The following LAMB1 variants were observed in gnomAD, a reference collection of about 807,000 sequenced individuals.
The protein encoded by LAMB1 is laminin subunit beta-1.
A neutral mutation model predicts 222.3 loss-of-function variants in LAMB1; 121 were observed. That is an observed-to-expected ratio of 0.54 (90% CI 0.47 to 0.63). LAMB1 has a LOEUF of 0.63. Ranked by LOEUF, LAMB1 falls within the 30% of genes least tolerant of loss-of-function variation. The pLI, the probability that LAMB1 is intolerant of heterozygous loss-of-function variation, is 0.00. For missense variants in LAMB1, 2,172 were observed against 2,240.8 expected (o/e 0.97, Z 0.62); for synonymous variants, 794 against 807.2 (o/e 0.98, Z 0.28).
At chr7:108,002,327 G>A (rs1256400937) in intron 2 of LAMB1, 1 of 1,315,032 alleles carries the variant, frequency 7.6e-7, no homozygotes, top group Non-Finnish European at 1.0e-6. Context: ...CAGTCCCTGG[G>A]GCTCTGGAGT....
At chr7:107,951,470 T>C in intron 23 of LAMB1, 148 bp from the exon 24 acceptor site, 1 of 654,074 alleles carries the variant, frequency 1.5e-6, no homozygotes, top group Non-Finnish European at 2.6e-6. Flanking sequence ...CCCACTTCAA[T>C]CGTAGGTGTC....
In LAMB1 at chr7:107,940,048, C is replaced by T. The variant is rs755708573; in HGVS notation, c.3702G>A (p.Leu1234=). The T allele has an allele frequency of 6.2e-7, 1 of 1,614,170 alleles. No individual in the cohort carries two copies. Among genetic ancestry groups the T allele is most frequent in the Non-Finnish European group, 8.5e-7 (1 of 1,180,034 alleles). Reference sequence around the variant, plus strand: ...GTGGCTCTGCTGCGGGGCTCTGCGCCAGGATGTCTTTTATCTCGCTGACTT... The same window carrying T: ...GTGGCTCTGCTGCGGGGCTCTGCGCTAGGATGTCTTTTATCTCGCTGACTT... ...ERKVSEIKDI[L]AQSPAAEPLK... The change falls in exon 25 of 34, where the codon CTG becomes CTA. Residue 1234 remains leucine, a synonymous_variant. Transcript: ENST00000222399.
Position 107,940,046 on chromosome 7 carries a change from G to A in LAMB1, c.3704C>T (p.Ala1235Val), listed in dbSNP as rs747848591. The change falls in exon 25 of 34, where the codon GCG (alanine) becomes GTG (valine). Residue 1235 changes from alanine (A) to valine (V), a missense_variant. Transcript: ENST00000222399. ...RKVSEIKDILAQSPAAEPLKN... is the reference protein window; with the variant it reads ...RKVSEIKDILVQSPAAEPLKN... ...CAGTGGCTCTGCTGCGGGGCTCTGC[G>A]CCAGGATGTCTTTTATCTCGCTGAC... 14 of 1,613,880 alleles carry A rather than the reference G, an allele frequency of 8.7e-6. No individual in the cohort carries two copies. The highest frequency in any genetic ancestry group is 2.7e-5 in the African/African-American group (2 of 74,874).
intron 13 of LAMB1, among the ~76,000 whole-genome samples, chr7:107,970,488 CAAA>C (rs78303178): frequency 2.3e-5 from 1 of 43,122 alleles, no homozygotes; most frequent in African/African-American, 6.7e-5. Flanking sequence ...AACTCTGTCT[CAAA>C]AAAAAAAAAA....
intron 24 of LAMB1, 107 bp from the exon 25 acceptor site, chr7:107,940,465 C>A: frequency 8.3e-7 from 1 of 1,209,126 alleles, no homozygotes; most frequent in Admixed American, 2.3e-5. Context: ...AAGGTGTCAA[C>A]CATCGACAAC....
intron 3 of LAMB1, 99 bp downstream of exon 3, chr7:108,001,459 C>T (rs1395897314): frequency 3.7e-6 from 5 of 1,336,878 alleles, no homozygotes; most frequent in Admixed American, 2.8e-5. Context: ...CGCTTCCTAT[C>T]TGGATTGCTG....
At chr7:107,983,536 A>T (rs2034013445) in intron 7 of LAMB1, among the ~76,000 whole-genome samples, 2 of 144,186 alleles carry the variant, frequency 1.4e-5, no homozygotes, top group Admixed American at 7.0e-5. Context: ...GGACTTTGTG[A>T]CTCCAAAGCC....
At chr7:107,939,887 C>G (rs2116352056) in intron 25 of LAMB1, 102 bp downstream of exon 25, 2 of 1,370,366 alleles carry the variant, frequency 1.5e-6, no homozygotes, top group East Asian at 4.6e-5. Context: ...ACAGGACTAA[C>G]AAAACCTCCT....
intron 25 of LAMB1, among the ~76,000 whole-genome samples, chr7:107,938,971 C>T (rs2032914182): frequency 6.6e-6 from 1 of 152,104 alleles, no homozygotes; most frequent in Admixed American, 6.5e-5. Flanking sequence ...ATGAAAAGTC[C>T]CTCTGGCTTC....
At position 107,953,640 on chromosome 7, in the gene LAMB1, C is replaced by T. The variant is rs748279338; in HGVS notation, c.2969G>A (p.Cys990Tyr). 2 of 1,614,170 alleles carry T rather than the reference C, an allele frequency of 1.2e-6. No homozygotes were observed. The highest frequency in any genetic ancestry group is 1.7e-6 in the Non-Finnish European group (2 of 1,180,012). The change falls in exon 22 of 34, where the codon TGT (cysteine) becomes TAT (tyrosine). Residue 990 changes from cysteine (C) to tyrosine (Y), a missense_variant. Cys to Tyr is a radical substitution (Grantham distance 194). Coordinates refer to ENST00000222399, the MANE Select transcript of LAMB1 (RefSeq NM_002291.3). ...NNIDTTDPEA[C>Y]DKETGRCLKC... Reference sequence around the variant, plus strand: ...GAGACACCTCCCAGTCTCCTTGTCACAGGCTTCTGGGTCTGTCGTGTCAAT... The same window carrying T: ...GAGACACCTCCCAGTCTCCTTGTCATAGGCTTCTGGGTCTGTCGTGTCAAT...
At chr7:107,952,417 TTC>T (rs906988469) in intron 22 of LAMB1, among the ~76,000 whole-genome samples, 194 bp from the exon 23 acceptor site, 3 of 152,228 alleles carry the variant, frequency 2.0e-5, no homozygotes, top group African/African-American at 7.2e-5. Flanking sequence ...TCTTACACAG[TTC>T]TGACATTTCC....
chr7:107,980,683 C>T lies in LAMB1; in HGVS notation c.805G>A (p.Gly269Arg), dbSNP rs779122017. 1 of 1,613,984 alleles carries T rather than the reference C, an allele frequency of 6.2e-7. No homozygotes were observed. The highest frequency in any genetic ancestry group is 1.7e-5 in the Admixed American group (1 of 59,996). Residue 269 changes from glycine to arginine, a missense_variant, in exon 8 of 34, where the codon GGA (glycine) becomes AGA (arginine). By Grantham distance (125) the Gly-to-Arg change is moderately radical. Transcript: ENST00000222399. ...GCATGACCATAGCAGAAGCAATTTC[C>T]TCGAACCACCATATCATAAACTGCA... ...YYAVYDMVVR[G>R]NCFCYGHASE...
At chr7:108,002,744 T>C in intron 2 of LAMB1, 105 bp downstream of exon 2, 1 of 1,490,124 alleles carries the variant, frequency 6.7e-7, no homozygotes. Flanking sequence ...ATCCAGTCCC[T>C]CTCCCAAGCC....
At chr7:108,000,507 C>T (rs746272207) in intron 3 of LAMB1, among the ~76,000 whole-genome samples, 20 of 152,230 alleles carry the variant, frequency 1.3e-4, no homozygotes, top group Non-Finnish European at 2.6e-4. Context: ...GAAACTGATA[C>T]TTTCTGCTTT....
chr7:107,926,208 T>C lies in LAMB1; in HGVS notation c.5039A>G (p.Lys1680Arg), dbSNP rs2032560244. ...CTTCTTAACATCTTCTGCACTTTGCTTCACAGTATATACTACTTTTTCAAT... is the reference window on the plus strand; with the variant it reads ...CTTCTTAACATCTTCTGCACTTTGCCTCACAGTATATACTACTTTTTCAAT... ...EYIEKVVYTV[K>R]QSAEDVKKTL... Residue 1680 changes from lysine to arginine, a missense_variant, in exon 32 of 34, where the codon AAG becomes AGG. Coordinates refer to ENST00000222399, the MANE Select transcript of LAMB1 (RefSeq NM_002291.3). The C allele has an allele frequency of 1.2e-6, 2 of 1,613,828 alleles. No individual in the cohort carries two copies. Among genetic ancestry groups the C allele is most frequent in the Admixed American group, 1.7e-5 (1 of 60,012 alleles).
In LAMB1 at chr7:107,964,649, T is replaced by G; in HGVS notation, c.1601A>C (p.His534Pro). ...TTCGTTGCACTGACGTCCAATCATG[T>G]GAGGCCGGCATGAGCACTGGCCTGA... ...AESGQCSCRP[H>P]MIGRQCNEVE... The change falls in exon 14 of 34, where the codon CAC (histidine) becomes CCC (proline). Residue 534 changes from histidine to proline, a missense_variant. Transcript: ENST00000222399. 4 of 1,614,170 alleles carry G rather than the reference T, an allele frequency of 2.5e-6. No homozygotes were observed. The highest frequency in any genetic ancestry group is 3.4e-6 in the Non-Finnish European group (4 of 1,180,020).
intron 5 of LAMB1, among the ~76,000 whole-genome samples, chr7:107,993,747 T>C (rs991478226): frequency 6.6e-6 from 1 of 152,340 alleles, no homozygotes; most frequent in South Asian, 2.1e-4. Flanking sequence ...CCAGATTGTG[T>C]GGTCAATGAA....
intron 7 of LAMB1, among the ~76,000 whole-genome samples, chr7:107,981,569 T>C (rs1357559532): frequency 6.6e-6 from 1 of 152,060 alleles, no homozygotes; most frequent in Non-Finnish European, 1.5e-5. Flanking sequence ...CTGTGATGGG[T>C]CTGTTTGCAG....
At position 108,000,580 on chromosome 7, in the gene LAMB1, G is replaced by T. The variant is rs541674193; in HGVS notation, c.213+978C>A. On this transcript the variant is annotated intron_variant, in intron 3 of 33. Coordinates refer to ENST00000222399, the MANE Select transcript of LAMB1 (RefSeq NM_002291.3). ...ATTTTTTGAGACAGGGTCTCCCTTT[G>T]TTGATCAAGCTGGAATGCAGTGGAC... is the stretch of plus-strand genomic sequence containing the variant. 2.6e-5 allele frequency among the ~76,000 whole-genome samples: 4 copies of T among 152,356 alleles called. No homozygotes were observed. In the South Asian group the frequency reaches 8.3e-4, roughly 32 times the overall value.
Sources: allele counts gnomAD v4.1 joint callset (sites outside exome capture counted in the v4.1 genomes callset), GRCh38; gene constraint gnomAD v4.1.1; transcripts MANE v1.5; gene names NCBI Gene and HGNC (gene_info 2026-07-23, HGNC 2026-07-21).